NCALD: variants seen among roughly 807,000 people sequenced by gnomAD.
The protein encoded by NCALD is neurocalcin delta.
NCALD carries 10 observed loss-of-function variants against 18.6 expected under a neutral mutation model. The ratio of observed to expected loss-of-function variants is 0.54; its 90% confidence interval spans 0.33 to 0.91. The LOEUF is 0.91. Among genes scored for constraint, NCALD ranks in the 40% least tolerant of loss-of-function variants. The pLI is 0.03. For missense variants in NCALD, 184 were observed against 247.6 expected (o/e 0.74, Z 1.72); for synonymous variants, 88 against 87.4 (o/e 1.01, Z -0.04).
intron 1 of NCALD, among the ~76,000 whole-genome samples, chr8:102,048,375 C>T (rs889000851): frequency 4.6e-5 from 7 of 152,144 alleles, no homozygotes; most frequent in Non-Finnish European, 8.8e-5. Context: ...TTTGTCCATC[C>T]AGCACTAACT....
In NCALD at chr8:101,687,962, A is replaced by C. The variant is rs1211736245; in HGVS notation, c.*1347T>G. 6.6e-6 allele frequency: 1 copy of C among 152,230 alleles called. No homozygotes were observed. The highest frequency in any genetic ancestry group is 1.5e-5 in the Non-Finnish European group (1 of 68,054). The allele number at this position is 152,230 out of a possible 1,614,324, so 9.4% of individuals were successfully genotyped here. A position where few individuals can be genotyped will look rare whatever the true frequency, so the allele number is the denominator to read the frequency against. ...GGGGGGCCTTGGAAACCACAGACAC[A>C]CTTGCCCATGTCTTTATGATGAATT... On this transcript the variant is annotated 3_prime_UTR_variant, in exon 4 of 4. Coordinates refer to ENST00000220931, the MANE Select transcript of NCALD (RefSeq NM_032041.3).
At chr8:101,831,079 G>A (rs376487565) in intron 4 of NCALD, among the ~76,000 whole-genome samples, 12 of 152,166 alleles carry the variant, frequency 7.9e-5, no homozygotes, top group African/African-American at 2.6e-4. Flanking sequence ...AAACAGACAC[G>A]ATATGGCAGC....
intron 1 of NCALD, among the ~76,000 whole-genome samples, chr8:102,100,758 G>A (rs1257060789): frequency 6.6e-6 from 1 of 152,136 alleles, no homozygotes; most frequent in Non-Finnish European, 1.5e-5. Flanking sequence ...CTACAACATG[G>A]GTGAACCTTG....
chr8:102,117,411 C>T (rs143259880), intron 1 of NCALD, among the ~76,000 whole-genome samples: 6 of 152,284 alleles, frequency 3.9e-5, no homozygotes, highest in Non-Finnish European at 7.4e-5. Flanking sequence ...TCCCACAGAG[C>T]GATTCCAGGC....
chr8:101,971,468 G>C (rs1319663609), intron 2 of NCALD, among the ~76,000 whole-genome samples: 4 of 152,018 alleles, frequency 2.6e-5, no homozygotes, highest in Non-Finnish European at 5.9e-5. Flanking sequence ...GTTCTCATGA[G>C]ATCTGATGGT....
At position 101,895,853 on chromosome 8, in the gene NCALD, G is replaced by T. The variant is rs1314867085; in HGVS notation, c.-106-8626C>A. Among the ~76,000 whole-genome samples, 5 of 147,202 alleles carry T rather than the reference G, an allele frequency of 3.4e-5. No homozygotes were observed. In the East Asian group the frequency reaches 9.7e-4, roughly 29 times the overall value. ...AGGCGAACTACAAACCACTGCTCAA[G>T]GAAATAAAAGAGGATACAAACAAAT... is the stretch of plus-strand genomic sequence containing the variant. On this transcript the variant is annotated intron_variant, in intron 3 of 6. Coordinates refer to the NCALD transcript ENST00000311028.
chr8:101,909,942 A>G (rs1307563411), intron 3 of NCALD, among the ~76,000 whole-genome samples: 5 of 152,154 alleles, frequency 3.3e-5, no homozygotes, highest in Non-Finnish European at 7.3e-5. Context: ...CTGGACAAGG[A>G]TGGGTTAAAA....
intron 2 of NCALD, among the ~76,000 whole-genome samples, chr8:101,930,648 C>T (rs990913805): frequency 2.6e-5 from 4 of 152,054 alleles, no homozygotes; most frequent in Non-Finnish European, 5.9e-5. Context: ...TCCTGTTCCA[C>T]ACAACCCATC....
intron 1 of NCALD, among the ~76,000 whole-genome samples, chr8:101,754,776 A>G (rs9693504): frequency 0.62 from 94,754 of 151,638 alleles, 31,900 homozygotes; most frequent in Non-Finnish European, 0.75. Flanking sequence ...ACCTGAACCC[A>G]GGTGTCTCTC....
intron 1 of NCALD, among the ~76,000 whole-genome samples, chr8:102,029,916 G>A (rs2132133913): frequency 6.6e-6 from 1 of 152,266 alleles, no homozygotes; most frequent in East Asian, 1.9e-4. Context: ...TTACTGGGTT[G>A]CATAGAAAAT....
intron 1 of NCALD, among the ~76,000 whole-genome samples, chr8:102,117,806 A>G (rs1321261373): frequency 6.6e-6 from 1 of 152,320 alleles, no homozygotes; most frequent in East Asian, 1.9e-4. Flanking sequence ...CACACCACCT[A>G]TTGACAGCCA....
chr8:101,970,059 G>A (rs1820181826), intron 2 of NCALD, among the ~76,000 whole-genome samples: 1 of 152,060 alleles, frequency 6.6e-6, no homozygotes, highest in African/African-American at 2.4e-5. Context: ...GGAGAAGAAA[G>A]ATGAGGAAAA....
intron 1 of NCALD, among the ~76,000 whole-genome samples, chr8:101,787,141 G>A (rs1182645358): frequency 6.6e-6 from 1 of 152,150 alleles, no homozygotes; most frequent in African/African-American, 2.4e-5. Flanking sequence ...TTAAATAAAT[G>A]TGGATTTTAT....
intron 2 of NCALD, among the ~76,000 whole-genome samples, chr8:101,983,508 C>T (rs1488641673): frequency 6.6e-6 from 1 of 152,256 alleles, no homozygotes; most frequent in Middle Eastern, 3.4e-3. Flanking sequence ...TAGAGAGAAA[C>T]TTATGTTAAA....
At chr8:101,979,896 A>G (rs1267458105) in intron 2 of NCALD, among the ~76,000 whole-genome samples, 1 of 152,208 alleles carries the variant, frequency 6.6e-6, no homozygotes, top group African/African-American at 2.4e-5. Flanking sequence ...GCTTCAAGGA[A>G]AGGTGAAAAT....
At chr8:101,825,552 TTG>T (rs1439185363) in intron 4 of NCALD, among the ~76,000 whole-genome samples, 1 of 152,218 alleles carries the variant, frequency 6.6e-6, no homozygotes, top group African/African-American at 2.4e-5. Context: ...TCATTAGGAA[TTG>T]GACAGAAATC....
intron 2 of NCALD, among the ~76,000 whole-genome samples, chr8:101,970,784 C>T (rs904023192): frequency 1.3e-5 from 2 of 152,162 alleles, no homozygotes; most frequent in Non-Finnish European, 1.5e-5. Context: ...AAATCTTTCC[C>T]TTGAGGTGTC....
intron 4 of NCALD, among the ~76,000 whole-genome samples, chr8:101,800,872 GAAAAA>G (rs1812814326): frequency 1.2e-5 from 1 of 86,808 alleles, no homozygotes. Context: ...AGGGGAGGAG[GAAAAA>G]GGAGAGGGGA....
At chr8:102,121,814 A>G (rs559309309) in intron 1 of NCALD, among the ~76,000 whole-genome samples, 33 of 152,164 alleles carry the variant, frequency 2.2e-4, no homozygotes, top group African/African-American at 7.0e-4. Context: ...CTTTTGACCA[A>G]CTCTTGATTC....
Sources: allele counts gnomAD v4.1 joint callset (sites outside exome capture counted in the v4.1 genomes callset), GRCh38; gene constraint gnomAD v4.1.1; transcripts MANE v1.5; gene names NCBI Gene and HGNC (gene_info 2026-07-23, HGNC 2026-07-21).